CDH12: variants seen among roughly 807,000 people sequenced by gnomAD.
CDH12 encodes cadherin-12.
CDH12 carries 41 observed loss-of-function variants against 74.1 expected under a neutral mutation model. The observed-to-expected ratio is 0.55, with a 90% CI of 0.43 to 0.72. The LOEUF is 0.72. CDH12 is among the 30% of genes least tolerant of loss of function. The probability of loss-of-function intolerance (pLI) is 0.00; values close to 1 mark genes in which losing one functional copy is unlikely to be tolerated. For synonymous variants in CDH12, 399 were observed against 355.0 expected (o/e 1.12, Z -1.39); for missense variants, 945 against 977.2 (o/e 0.97, Z 0.44).
chr5:22,534,212 A>C (rs1477237703), intron 1 of CDH12, among the ~76,000 whole-genome samples: 1 of 150,352 alleles, frequency 6.7e-6, no homozygotes, highest in African/African-American at 2.5e-5. Context: ...TAATTTTTTT[A>C]TTTCCGTAGG....
chr5:22,425,172 A>AATATATATATATAAAT (rs1554039890), intron 2 of CDH12, among the ~76,000 whole-genome samples: 16 of 83,454 alleles, frequency 1.9e-4, no homozygotes, highest in African/African-American at 6.2e-4. Flanking sequence ...TATATATATA[A>AATATATATATATAAAT]ATATATATAT....
intron 1 of CDH12, among the ~76,000 whole-genome samples, chr5:22,734,941 C>T (rs1263927617): frequency 6.6e-6 from 1 of 151,884 alleles, no homozygotes; most frequent in Admixed American, 6.6e-5. Context: ...ATTGTTCCTT[C>T]AAAAACAGTC....
At chr5:22,664,018 G>A (rs1740481254) in intron 1 of CDH12, among the ~76,000 whole-genome samples, 1 of 151,878 alleles carries the variant, frequency 6.6e-6, no homozygotes, top group Admixed American at 6.6e-5. Flanking sequence ...AGTACATAAA[G>A]TCCTTTTATT....
At chr5:22,491,366 T>A (rs149296872) in intron 2 of CDH12, among the ~76,000 whole-genome samples, 97 of 152,284 alleles carry the variant, frequency 6.4e-4, no homozygotes, top group African/African-American at 2.3e-3. Flanking sequence ...TATAGCTGTG[T>A]TGTATTCCAT....
At chr5:21,862,757 A>T (rs1343014733) in intron 6 of CDH12, among the ~76,000 whole-genome samples, 2 of 152,170 alleles carry the variant, frequency 1.3e-5, no homozygotes, top group Non-Finnish European at 2.9e-5. Context: ...AAATATAAGC[A>T]GATTATATTG....
At position 22,841,595 on chromosome 5, in the gene CDH12, G is replaced by A. The variant is rs963324482; in HGVS notation, c.-523+11463C>T. 1.3e-5 allele frequency among the ~76,000 whole-genome samples: 2 copies of A among 152,106 alleles called. 1 individual carries two copies. The highest frequency in any genetic ancestry group is 4.1e-4 in the South Asian group (2 of 4,824). On this transcript the variant is annotated intron_variant, in intron 1 of 14. Transcript: ENST00000382254. Reference sequence around the variant, plus strand: ...GGATGAGATCTCTAAGGGCGTGGGTGTAGATAGACAGGAGAAAACTAATGC... The same window carrying A: ...GGATGAGATCTCTAAGGGCGTGGGTATAGATAGACAGGAGAAAACTAATGC...
chr5:21,998,547 G>A (rs1364875061), intron 5 of CDH12, among the ~76,000 whole-genome samples: 2 of 151,992 alleles, frequency 1.3e-5, no homozygotes, highest in African/African-American at 2.4e-5. Flanking sequence ...CAATATCAAA[G>A]TTTACATTAA....
chr5:22,430,371 A>G (rs182226588), intron 2 of CDH12, among the ~76,000 whole-genome samples: 6 of 151,966 alleles, frequency 3.9e-5, no homozygotes, highest in Non-Finnish European at 8.8e-5. Flanking sequence ...ACTGGTGGCT[A>G]CATAGTACCC....
intron 2 of CDH12, among the ~76,000 whole-genome samples, chr5:22,489,248 G>T (rs1379580448): frequency 6.6e-6 from 1 of 150,752 alleles, no homozygotes; most frequent in Non-Finnish European, 1.5e-5. Context: ...TAGTAGAGAC[G>T]GGGTTTCACC....
At chr5:22,649,047 G>A (rs924056229) in intron 1 of CDH12, among the ~76,000 whole-genome samples, 1 of 151,936 alleles carries the variant, frequency 6.6e-6, no homozygotes, top group Non-Finnish European at 1.5e-5. Context: ...CAAAGTATGT[G>A]TAGAGGGATA....
chr5:22,429,102 CTATTTTATTTTATTT>C (rs546752099), intron 2 of CDH12, among the ~76,000 whole-genome samples: 60 of 144,874 alleles, frequency 4.1e-4, no homozygotes, highest in Admixed American at 7.5e-4. Context: ...CACTTTTATT[CTATTTTATTTTATTT>C]TATTTTATTT....
chr5:22,197,320 TGCCTGTAGTCCCA>T (rs1300308170), intron 4 of CDH12, among the ~76,000 whole-genome samples: 1 of 151,500 alleles, frequency 6.6e-6, no homozygotes. Flanking sequence ...TGGTGGCAGG[TGCCTGTAGTCCCA>T]GCTACTTGGG....
At chr5:22,681,799 A>C (rs1741507208) in intron 1 of CDH12, among the ~76,000 whole-genome samples, 1 of 152,114 alleles carries the variant, frequency 6.6e-6, no homozygotes, top group South Asian at 2.1e-4. Context: ...TGGATTTATT[A>C]GATAGAATTA....
intron 4 of CDH12, among the ~76,000 whole-genome samples, chr5:22,129,408 A>G (rs1175923832): frequency 6.6e-6 from 1 of 152,186 alleles, no homozygotes; most frequent in Non-Finnish European, 1.5e-5. Flanking sequence ...GAATTTTTAC[A>G]GTTATGCTTA....
At chr5:22,215,980 A>G (rs1321614007) in intron 3 of CDH12, among the ~76,000 whole-genome samples, 1 of 152,104 alleles carries the variant, frequency 6.6e-6, no homozygotes, top group Non-Finnish European at 1.5e-5. Flanking sequence ...GAATCTTGTG[A>G]AATAGGTTAC....
intron 11 of CDH12, among the ~76,000 whole-genome samples, chr5:21,774,111 C>T (rs1464206845): frequency 6.6e-6 from 1 of 151,708 alleles, no homozygotes; most frequent in Non-Finnish European, 1.5e-5. Flanking sequence ...TGGGTGTGTC[C>T]GTGAGGGTGT....
In CDH12 at chr5:22,036,494, G is replaced by A. The variant is rs116494177; in HGVS notation, c.231+41952C>T. 3.7e-3 allele frequency among the ~76,000 whole-genome samples: 568 copies of A among 152,184 alleles called. 9 individuals carry two copies. Among genetic ancestry groups the A allele is most frequent in the African/African-American group, 0.013 (534 of 41,540 alleles). ...TTTTTTCTTATGGCTAACTGTTCAC[G>A]AACAGACAGAGAGATGGAAATCTGT... is the stretch of plus-strand genomic sequence containing the variant. On this transcript the variant is annotated intron_variant, in intron 5 of 14. Coordinates refer to ENST00000382254, the MANE Select transcript of CDH12 (RefSeq NM_004061.5).
intron 1 of CDH12, among the ~76,000 whole-genome samples, chr5:22,778,367 A>T (rs1747212952): frequency 6.6e-6 from 1 of 152,168 alleles, no homozygotes; most frequent in Admixed American, 6.5e-5. Context: ...TAAGGAAGAA[A>T]GAAAATCTAC....
intron 5 of CDH12, among the ~76,000 whole-genome samples, chr5:22,050,682 G>A (rs1038316685): frequency 1.3e-5 from 2 of 152,066 alleles, no homozygotes; most frequent in Non-Finnish European, 2.9e-5. Context: ...GGATAACTGT[G>A]ACAATTTTAA....
Sources: allele counts gnomAD v4.1 joint callset (sites outside exome capture counted in the v4.1 genomes callset), GRCh38; gene constraint gnomAD v4.1.1; transcripts MANE v1.5; gene names NCBI Gene and HGNC (gene_info 2026-07-23, HGNC 2026-07-21).